Variants in KPNA6 observed in about 807,000 individuals in gnomAD.
KPNA6 encodes the protein importin subunit alpha-7.
A neutral mutation model predicts 72.0 loss-of-function variants in KPNA6; 9 were observed. That is an observed-to-expected ratio of 0.13 (90% CI 0.08 to 0.22). The LOEUF is 0.22. Ranked by LOEUF, KPNA6 falls within the 10% of genes least tolerant of loss-of-function variation. KPNA6 has a pLI of 1.00. For synonymous variants in KPNA6, 219 were observed against 242.1 expected (o/e 0.90, Z 0.89); for missense variants, 374 against 655.7 (o/e 0.57, Z 4.69).
rs1642522517 is a variant in KPNA6, at chr1:32,176,032, G to A, written c.*5138G>A. The stretch of plus-strand genomic sequence containing the variant: ...GAGGCAGGAGAATCTCTTGAACCTA[G>A]GAGGCAGAGGTTGCAGTGAGCCAAG... On this transcript the variant is annotated 3_prime_UTR_variant, in exon 14 of 14. Transcript: ENST00000373625. 1 of 152,148 alleles carries A rather than the reference G, an allele frequency of 6.6e-6. No homozygotes were observed. Among genetic ancestry groups the A allele is most frequent in the African/African-American group, 2.4e-5 (1 of 41,412 alleles). The allele number at this position is 152,148 out of a possible 1,614,324, so 9.4% of individuals were successfully genotyped here.
intron 7 of KPNA6, 71 bp downstream of exon 7, chr1:32,160,774 A>G (rs938813835): frequency 9.6e-7 from 1 of 1,043,234 alleles, no homozygotes; most frequent in Middle Eastern, 2.0e-4. Flanking sequence ...TGGGGGCAGC[A>G]TACTTGATTC....
chr1:32,159,544 T>A lies in KPNA6; in HGVS notation c.558+13T>A. Reference sequence around the variant, plus strand: ...TGTTCAGGAACAGGTAATGCTTAGATTTGGTGTGATTCTTTATAGTACCTG... The same window carrying A: ...TGTTCAGGAACAGGTAATGCTTAGAATTGGTGTGATTCTTTATAGTACCTG... On this transcript the variant is annotated intron_variant, in intron 6 of 13. Transcript: ENST00000373625. 6.2e-7 allele frequency: 1 copy of A among 1,612,068 alleles called. No homozygotes were observed. Among genetic ancestry groups the A allele is most frequent in the South Asian group, 1.1e-5 (1 of 90,812 alleles).
At chr1:32,143,238 A>AT (rs969564205) in intron 1 of KPNA6, among the ~76,000 whole-genome samples, 8 of 152,094 alleles carry the variant, frequency 5.3e-5, no homozygotes, top group Non-Finnish European at 8.8e-5. Context: ...TAATTTTGGT[A>AT]TTTTTTTGTA....
At chr1:32,123,322 CT>C (rs1413090720) in intron 1 of KPNA6, among the ~76,000 whole-genome samples, 4 of 151,926 alleles carry the variant, frequency 2.6e-5, no homozygotes, top group East Asian at 1.9e-4. Context: ...TTTTTTCCCC[CT>C]AATGTACCTG....
intron 1 of KPNA6, among the ~76,000 whole-genome samples, chr1:32,111,736 C>T (rs993493654): frequency 3.3e-5 from 5 of 152,150 alleles, no homozygotes; most frequent in African/African-American, 1.2e-4. Context: ...TAAGTGTACT[C>T]TCAGTCTGTA....
At chr1:32,147,174 A>T (rs888956997) in intron 1 of KPNA6, among the ~76,000 whole-genome samples, 1 of 152,162 alleles carries the variant, frequency 6.6e-6, no homozygotes, top group Non-Finnish European at 1.5e-5. Context: ...AGTGGTAACA[A>T]AGCCCCTCAG....
intron 1 of KPNA6, among the ~76,000 whole-genome samples, chr1:32,131,217 C>G (rs560840820): frequency 6.6e-6 from 1 of 152,192 alleles, no homozygotes; most frequent in Admixed American, 6.5e-5. Flanking sequence ...TCACTGGAAC[C>G]TGGAAGGTGG....
At chr1:32,158,152 TGG>T in intron 4 of KPNA6, 113 bp from the exon 5 acceptor site, 1 of 656,336 alleles carries the variant, frequency 1.5e-6, no homozygotes, top group Non-Finnish European at 2.7e-6. Context: ...GAAGGGAGTT[TGG>T]GAATGTTTGT....
rs1642519762 is a variant in KPNA6, at chr1:32,175,924, C to G, written c.*5030C>G. The G allele has an allele frequency of 6.6e-6, 1 of 151,526 alleles. No individual in the cohort carries two copies. Among genetic ancestry groups the G allele is most frequent in the Non-Finnish European group, 1.5e-5 (1 of 67,988 alleles). The allele number at this position is 151,526 out of a possible 1,614,324, so 9.4% of individuals were successfully genotyped here. The stretch of plus-strand genomic sequence containing the variant: ...ACCAGCCTGACCAACATAGTAAAAC[C>G]CCGTCCCTACAAAAATAAAAAAATA... On this transcript the variant is annotated 3_prime_UTR_variant, in exon 14 of 14. Transcript: ENST00000373625.
chr1:32,165,196 C>T (rs896753813), intron 10 of KPNA6, among the ~76,000 whole-genome samples: 2 of 152,144 alleles, frequency 1.3e-5, no homozygotes, highest in African/African-American at 2.4e-5. Flanking sequence ...CATGAAGCCA[C>T]CTCACCCAGA....
chr1:32,120,808 T>G (rs1241430327), intron 1 of KPNA6, among the ~76,000 whole-genome samples: 5 of 151,642 alleles, frequency 3.3e-5, no homozygotes, highest in African/African-American at 7.3e-5. Context: ...CCTCAGGTGA[T>G]CCTCCCTCTT....
intron 5 of KPNA6, among the ~76,000 whole-genome samples, chr1:32,159,081 A>G (rs1642193788): frequency 6.6e-6 from 1 of 152,218 alleles, no homozygotes; most frequent in Non-Finnish European, 1.5e-5. Context: ...AGCTCAGGAA[A>G]TAAAAGAGTG....
chr1:32,113,885 G>A (rs1251978770), intron 1 of KPNA6, among the ~76,000 whole-genome samples: 4 of 152,102 alleles, frequency 2.6e-5, no homozygotes, highest in Non-Finnish European at 4.4e-5. Context: ...ATTTTCAGTT[G>A]TCTAGTTATC....
At chr1:32,109,857 C>T (rs555021303) in intron 1 of KPNA6, among the ~76,000 whole-genome samples, 5 of 151,626 alleles carry the variant, frequency 3.3e-5, no homozygotes, top group Admixed American at 6.6e-5. Flanking sequence ...GGGGTTTCAC[C>T]GTGTTAGCCA....
At chr1:32,162,221 T>C in intron 8 of KPNA6, 140 bp from the exon 9 acceptor site, 1 of 949,942 alleles carries the variant, frequency 1.1e-6, no homozygotes, top group Non-Finnish European at 1.6e-6. Flanking sequence ...GACCCAAATG[T>C]TTAATGTAGT....
chr1:32,166,528 G>T (rs1247832033), intron 11 of KPNA6, among the ~76,000 whole-genome samples: 2 of 151,824 alleles, frequency 1.3e-5, no homozygotes, highest in Non-Finnish European at 2.9e-5. Context: ...GGGAGGCTGA[G>T]GCAGGAGAAT....
intron 1 of KPNA6, among the ~76,000 whole-genome samples, chr1:32,152,007 A>C (rs1642040858): frequency 6.6e-6 from 1 of 152,244 alleles, no homozygotes; most frequent in South Asian, 2.1e-4. Context: ...AATAAGGAAA[A>C]CATTAGTGAA....
chr1:32,166,624 CAAAAA>C (rs561653103), intron 11 of KPNA6, among the ~76,000 whole-genome samples: 2 of 39,044 alleles, frequency 5.1e-5, no homozygotes, highest in African/African-American at 2.0e-4. Context: ...GACTCCGTCT[CAAAAA>C]AAAAAAAAAA....
Position 32,170,886 on chromosome 1 carries a change from C to T in KPNA6, c.1603C>T (p.Gln535Ter), listed in dbSNP as rs1206726760. The change falls in exon 14 of 14, where the codon CAG becomes TAG. Residue 535 changes from glutamine to a stop codon, truncating the protein, a stop_gained. Transcript: ENST00000373625. LOFTEE classifies it high-confidence loss of function. Reference protein sequence around the residue: ...QQPEAPMEGFQL With the variant: ...QQPEAPMEGF ...GCCTGAGGCCCCCATGGAGGGCTTCCAGCTATAATATCTGCCTCCAGGGAG... is the reference window on the plus strand; with the variant it reads ...GCCTGAGGCCCCCATGGAGGGCTTCTAGCTATAATATCTGCCTCCAGGGAG... The T allele has an allele frequency of 6.2e-7, 1 of 1,613,980 alleles. No homozygotes were observed. The highest frequency in any genetic ancestry group is 1.3e-5 in the African/African-American group (1 of 74,930).
Sources: allele counts gnomAD v4.1 joint callset (sites outside exome capture counted in the v4.1 genomes callset), GRCh38; gene constraint gnomAD v4.1.1; transcripts MANE v1.5; gene names NCBI Gene and HGNC (gene_info 2026-07-23, HGNC 2026-07-21).